Variants in ATG4B observed in about 807,000 individuals in gnomAD.
ATG4B encodes autophagy related 4B cysteine peptidase, also known as cysteine protease ATG4B.
Under a neutral mutation model 56.6 loss-of-function variants are expected in ATG4B, and 29 were observed. The observed-to-expected ratio is 0.51, with a 90% confidence interval of 0.38 to 0.70. The LOEUF is 0.70. Among genes scored for constraint, ATG4B ranks in the 30% least tolerant of loss-of-function variants. The pLI is 0.00. For missense variants in ATG4B, 461 were observed against 515.5 expected, an observed-to-expected ratio of 0.89 and a Z score of 1.02; for synonymous variants, 224 against 206.1, an observed-to-expected ratio of 1.09 and a Z score of -0.74.
rs959812539 is a variant in ATG4B at position 241,673,646 on chromosome 2, C to G, written c.*1382C>G. 4.4e-6 allele frequency: 2 copies of G among 456,332 alleles called. No individual in the cohort carries two copies. The highest frequency in any genetic ancestry group is 4.0e-5 in the African/African-American group (2 of 50,002). The allele number at this position is 456,332 out of a possible 1,614,324, so 28.3% of individuals were successfully genotyped here. On this transcript the variant is annotated 3_prime_UTR_variant, in exon 13 of 13. Transcript: ENST00000404914. ...AGTTGGGGTGGGGAAGCAGGGAAGG[C>G]TGGTGCGATCTCCATTCCTTGGGCT...
At position 241,651,425 on chromosome 2, in the gene ATG4B, A is replaced by C; in HGVS notation, c.184+90A>C. ...CTTGTAGATTTGACTTCAATATGCC[A>C]CTGACTTCATTTGAATCTTCACAGC... On this transcript the variant is annotated intron_variant, in intron 3 of 12. Coordinates refer to ENST00000404914, the MANE Select transcript of ATG4B (RefSeq NM_013325.5). The surrounding 1 kb of genome is among the most constrained non-coding windows in gnomAD (Gnocchi z 4.1). 1 of 990,666 alleles carries C rather than the reference A, an allele frequency of 1.0e-6. No individual in the cohort carries two copies. Among genetic ancestry groups the C allele is most frequent in the Non-Finnish European group, 1.5e-6 (1 of 657,432 alleles). The allele number at this position is 990,666 out of a possible 1,614,324, so 61.4% of individuals were successfully genotyped here.
intron 4 of ATG4B, among the ~76,000 whole-genome samples, chr2:241,654,228 C>G (rs1305851880): frequency 4.6e-5 from 7 of 151,874 alleles, no homozygotes; most frequent in Admixed American, 4.6e-4. Context: ...CAAGACCATC[C>G]TGGCCAGCAT....
intron 7 of ATG4B, among the ~76,000 whole-genome samples, chr2:241,665,614 G>C (rs2068737906): frequency 6.6e-6 from 1 of 152,242 alleles, no homozygotes; most frequent in Non-Finnish European, 1.5e-5. Flanking sequence ...TAGCCTCTGG[G>C]TGGCAGTGTC....
intron 10 of ATG4B, chr2:241,670,514 C>T (rs2068930837): frequency 1.6e-6 from 1 of 609,304 alleles, no homozygotes; most frequent in Non-Finnish European, 2.9e-6. Flanking sequence ...CGCAGTGGAG[C>T]CTGAGGGGAG....
rs528221890 is a variant in ATG4B, at chr2:241,666,593, A to T, written c.539-52A>T. On this transcript the variant is annotated intron_variant, in intron 7 of 12. Coordinates refer to ENST00000404914, the MANE Select transcript of ATG4B (RefSeq NM_013325.5). ...TCATCATTTGCTTGCTTGTTGTGGG[A>T]GCACTTTTGCACAGGTCTGCTTGGT... is the stretch of plus-strand genomic sequence containing the variant. The T allele has an allele frequency of 7.6e-4, 1,194 of 1,578,758 alleles. 9 individuals carry two copies. In the African/African-American group the frequency reaches 0.014, roughly 19 times the overall value.
At chr2:241,670,032 G>A (rs1393678227) in intron 10 of ATG4B, among the ~76,000 whole-genome samples, 1 of 152,204 alleles carries the variant, frequency 6.6e-6, no homozygotes, top group Non-Finnish European at 1.5e-5. Flanking sequence ...GTGAGGAGGA[G>A]GAATGTCCCC....
chr2:241,665,791 C>G (rs543917983), intron 7 of ATG4B, among the ~76,000 whole-genome samples: 1 of 152,328 alleles, frequency 6.6e-6, no homozygotes, highest in Admixed American at 6.5e-5. Context: ...CCTGTCCTTT[C>G]CTTTCACGTT....
In ATG4B at chr2:241,655,330, G is replaced by T; in HGVS notation, c.445G>T (p.Ala149Ser). 3 of 1,609,968 alleles carry T rather than the reference G, an allele frequency of 1.9e-6. No individual in the cohort carries two copies. Among genetic ancestry groups the T allele is most frequent in the South Asian group, 1.1e-5 (1 of 90,146 alleles). The stretch of plus-strand genomic sequence containing the variant: ...CCAGTGGTACGGGCCCAACACTGTC[G>T]CCCAGGTCCTGAAGTATGTACTGCG... ...IGQWYGPNTV[A>S]QVLKKLAVFD... The change falls in exon 6 of 13, where the codon GCC becomes TCC. Residue 149 changes from alanine to serine, a missense_variant. By Grantham distance (99) the Ala-to-Ser change is moderately conservative. Coordinates refer to ENST00000404914, the MANE Select transcript of ATG4B (RefSeq NM_013325.5).
At chr2:241,656,489 C>T (rs1224527675) in intron 6 of ATG4B, among the ~76,000 whole-genome samples, 1 of 152,190 alleles carries the variant, frequency 6.6e-6, no homozygotes, top group Non-Finnish European at 1.5e-5. Context: ...CTGGAGTGGC[C>T]CCACCAAGTC....
chr2:241,671,655 G>A lies in ATG4B; in HGVS notation c.1108+250G>A, dbSNP rs140608150. ...CTGCCCGGGCGCTGTGGAGCTGGGC[G>A]TGCTACCATGGAGTCCTCAGGGGTC... On this transcript the variant is annotated intron_variant, in intron 12 of 12. Coordinates refer to ENST00000404914, the MANE Select transcript of ATG4B (RefSeq NM_013325.5). 2,651 of 1,439,062 alleles carry A rather than the reference G, an allele frequency of 1.8e-3. 42 individuals are homozygous for A. The African/African-American group carries it at 0.034, about 18-fold the overall frequency. 89.1% of individuals were successfully genotyped at this position (1,439,062 alleles called of 1,614,324 possible).
In ATG4B at chr2:241,655,175, C is replaced by T. The variant is rs1322728596; in HGVS notation, c.386-96C>T. The T allele has an allele frequency of 8.4e-6, 11 of 1,307,066 alleles. 1 individual carries two copies. The East Asian group carries it at 2.0e-4, about 24-fold the overall frequency. The allele number at this position is 1,307,066 out of a possible 1,614,324, so 81.0% of individuals were successfully genotyped here. ...TCTGGAGGCTGGGTCGGGTGCTGTC[C>T]AGGCCTTCCTGTGACGTGTCTCCTG... On this transcript the variant is annotated intron_variant, in intron 5 of 12. Coordinates refer to ENST00000404914, the MANE Select transcript of ATG4B (RefSeq NM_013325.5).
chr2:241,650,626 G>A (rs1362509164), intron 1 of ATG4B, among the ~76,000 whole-genome samples: 1 of 152,112 alleles, frequency 6.6e-6, no homozygotes, highest in East Asian at 1.9e-4. Flanking sequence ...TCTAAAGTAA[G>A]TGCTTGAATC....
rs2068229651 is a variant in ATG4B, at chr2:241,651,486, G to A, written c.184+151G>A. ...AACTGAATTGGCCGAGGCCTCACGT[G>A]TAGTAGTGGCAAAGCTAGAATCCAC... On this transcript the variant is annotated intron_variant, in intron 3 of 12. Coordinates refer to ENST00000404914, the MANE Select transcript of ATG4B (RefSeq NM_013325.5). This position sits in a 1 kb window ranked among gnomAD's most constrained non-coding sequence, Gnocchi z 4.1. 6.6e-6 allele frequency among the ~76,000 whole-genome samples: 1 copy of A among 152,216 alleles called. No individual in the cohort carries two copies. The highest frequency in any genetic ancestry group is 1.5e-5 in the Non-Finnish European group (1 of 68,044).
intron 11 of ATG4B, 87 bp downstream of exon 11, chr2:241,670,869 A>G (rs2068946884): frequency 6.6e-6 from 9 of 1,372,742 alleles, no homozygotes; most frequent in African/African-American, 1.4e-5. Flanking sequence ...GCCTGCGTCC[A>G]GGTCTCAGGC....
At chr2:241,667,872 C>G in intron 8 of ATG4B, 1 of 454,800 alleles carries the variant, frequency 2.2e-6, no homozygotes, top group Non-Finnish European at 4.0e-6. Flanking sequence ...CTGCTCACAT[C>G]TCCTGCCAGG....
Position 241,658,994 on chromosome 2 carries a change from T to G in ATG4B, c.459-114T>G, listed in dbSNP as rs2068502627. ...CCCCGGATTTTAGGAGCCTTGGCCC[T>G]TCTCATCCGAGAAGCACCTCTAACG... On this transcript the variant is annotated intron_variant, in intron 6 of 12. Coordinates refer to ENST00000404914, the MANE Select transcript of ATG4B (RefSeq NM_013325.5). The G allele has an allele frequency of 5.6e-6, 4 of 715,974 alleles. No homozygotes were observed. In the South Asian group the frequency reaches 7.8e-5, roughly 14 times the overall value. The allele number at this position is 715,974 out of a possible 1,614,324, so 44.4% of individuals were successfully genotyped here. A position where few individuals can be genotyped will look rare whatever the true frequency, so the allele number is the denominator to read the frequency against.
chr2:241,673,821 T>C lies in ATG4B; in HGVS notation c.*1557T>C. 2.3e-6 allele frequency: 1 copy of C among 429,776 alleles called. No individual in the cohort carries two copies. The highest frequency in any genetic ancestry group is 4.8e-6 in the Non-Finnish European group (1 of 208,300). The allele number at this position is 429,776 out of a possible 1,614,324, so 26.6% of individuals were successfully genotyped here. A position where few individuals can be genotyped will look rare whatever the true frequency, so the allele number is the denominator to read the frequency against. On this transcript the variant is annotated 3_prime_UTR_variant, in exon 13 of 13. Coordinates refer to ENST00000404914, the MANE Select transcript of ATG4B (RefSeq NM_013325.5). ...CATTCTTAGTAGTATAGTTTGCAAT[T>C]CTTAATGGCAAATAATAAGTTTCAG...
At chr2:241,655,141 A>T in intron 5 of ATG4B, 130 bp from the exon 6 acceptor site, 1 of 829,996 alleles carries the variant, frequency 1.2e-6, no homozygotes, top group Non-Finnish European at 2.0e-6. Context: ...TTGTTGGGGC[A>T]TCCTTCCGTC....
chr2:241,669,972 C>T (rs559806318), intron 10 of ATG4B, among the ~76,000 whole-genome samples: 1 of 152,258 alleles, frequency 6.6e-6, no homozygotes, highest in East Asian at 1.9e-4. Context: ...GACGCGTGAA[C>T]GTTGAGTTGA....
Sources: gnomAD v4.1 joint callset for allele counts (sites outside exome capture counted in the v4.1 genomes callset) on GRCh38, gnomAD v4.1.1 for gene constraint, Gnocchi (gnomAD v3.1) non-coding constraint, MANE v1.5 for transcripts, NCBI Gene and HGNC (gene_info 2026-07-23, HGNC 2026-07-21) for gene names.